The following SUFU variants were observed in gnomAD, a reference collection of about 807,000 sequenced individuals.
SUFU encodes SUFU negative regulator of hedgehog signaling, also known as suppressor of fused homolog.
SUFU carries 7 observed loss-of-function variants against 58.9 expected under a neutral mutation model. That is an observed-to-expected ratio of 0.12 (90% CI 0.07 to 0.22). The LOEUF (loss-of-function observed/expected upper bound fraction) is 0.22. Ranked by LOEUF, SUFU falls within the 10% of genes least tolerant of loss-of-function variation. The pLI is 1.00. For synonymous variants in SUFU, 232 were observed against 254.8 expected (o/e 0.91, Z 0.85); for missense variants, 451 against 641.3 (o/e 0.70, Z 3.20).
rs192727291 is a variant in SUFU at position 102,630,513 on chromosome 10, G to A, written c.*358G>A. On this transcript the variant is annotated 3_prime_UTR_variant, in exon 12 of 12. Coordinates refer to ENST00000369902, the MANE Select transcript of SUFU (RefSeq NM_016169.4). ...CCCTCTTTCTCACCTACCCCCTGCC[G>A]CACAGCCCAGCAGGAGGGAGGCGGA... The A allele has an allele frequency of 2.7e-5, 12 of 440,512 alleles. No homozygotes were observed. The highest frequency in any genetic ancestry group is 2.4e-4 in the East Asian group (6 of 25,154). 27.3% of individuals were successfully genotyped at this position (440,512 alleles called of 1,614,324 possible).
At chr10:102,532,072 C>T (rs1185979848) in intron 2 of SUFU, among the ~76,000 whole-genome samples, 2 of 152,044 alleles carry the variant, frequency 1.3e-5, no homozygotes, top group Non-Finnish European at 2.9e-5. Flanking sequence ...AAGCAATTCT[C>T]CTGCCTCGGC....
chr10:102,535,030 T>C (rs2062720015), intron 2 of SUFU, among the ~76,000 whole-genome samples: 1 of 152,092 alleles, frequency 6.6e-6, no homozygotes, highest in Non-Finnish European at 1.5e-5. Flanking sequence ...CTAGGTCCAT[T>C]CTTCTGGAGG....
chr10:102,588,797 A>G (rs1003856053), intron 3 of SUFU, among the ~76,000 whole-genome samples: 2 of 152,198 alleles, frequency 1.3e-5, no homozygotes, highest in African/African-American at 2.4e-5. Context: ...ATTTCTTTCA[A>G]TGATGTTTTG....
intron 2 of SUFU, among the ~76,000 whole-genome samples, chr10:102,549,482 CTA>C (rs2062889005): frequency 6.6e-6 from 1 of 152,158 alleles, no homozygotes; most frequent in Non-Finnish European, 1.5e-5. Flanking sequence ...CACGTGGAGA[CTA>C]TGGGGATTAC....
Position 102,617,699 on chromosome 10 carries a change from T to A in SUFU, c.1296+271T>A. On this transcript the variant is annotated intron_variant, in intron 10 of 11. Transcript: ENST00000369902. The surrounding 1 kb of genome is among the most constrained non-coding windows in gnomAD (Gnocchi z 4.4). The stretch of plus-strand genomic sequence containing the variant: ...GGCCCTGGCTCTTGGTAATTCTGGT[T>A]CCCCGTGGAAATCCAGGTTGGAGGG... The A allele has an allele frequency of 1.7e-6, 1 of 601,478 alleles. No individual in the cohort carries two copies. The highest frequency in any genetic ancestry group is 2.2e-5 in the South Asian group (1 of 46,462). 37.3% of individuals were successfully genotyped at this position (601,478 alleles called of 1,614,324 possible). A position where few individuals can be genotyped will look rare whatever the true frequency, so the allele number is the denominator to read the frequency against.
At chr10:102,519,314 C>T (rs753732688) in intron 2 of SUFU, among the ~76,000 whole-genome samples, 2 of 151,630 alleles carry the variant, frequency 1.3e-5, no homozygotes, top group African/African-American at 2.4e-5. Flanking sequence ...CACCTGAGGT[C>T]GGGAGTTCGA....
At chr10:102,568,422 C>A (rs1037786594) in intron 3 of SUFU, among the ~76,000 whole-genome samples, 2 of 151,990 alleles carry the variant, frequency 1.3e-5, no homozygotes, top group Non-Finnish European at 2.9e-5. Flanking sequence ...ATGTTGAAAA[C>A]AAAAATAAAT....
intron 2 of SUFU, among the ~76,000 whole-genome samples, chr10:102,541,875 ATTTTT>A (rs58231037): frequency 2.3e-5 from 2 of 86,522 alleles, no homozygotes; most frequent in East Asian, 3.5e-4. Context: ...TGCCCGGCTA[ATTTTT>A]TTTTTTTTTT....
intron 6 of SUFU, among the ~76,000 whole-genome samples, chr10:102,596,258 A>T (rs188997673): frequency 6.6e-6 from 1 of 152,314 alleles, no homozygotes; most frequent in African/African-American, 2.4e-5. Context: ...CGGGAAGCAC[A>T]GATTATTGTT....
At position 102,597,151 on chromosome 10, in the gene SUFU, C is replaced by T. The variant is rs2135881101; in HGVS notation, c.768C>T (p.Asp256=). 1 of 1,613,968 alleles carries T rather than the reference C, an allele frequency of 6.2e-7. No homozygotes were observed. The highest frequency in any genetic ancestry group is 8.5e-7 in the Non-Finnish European group (1 of 1,179,988). Reference sequence around the variant, plus strand: ...TTCTTTTCAAGCAGGAGAGAGTTGACAAAGGCATCGAGACAGATGGCTCCA... The same window carrying T: ...TTCTTTTCAAGCAGGAGAGAGTTGATAAAGGCATCGAGACAGATGGCTCCA... ...EIDPHLQERV[D]KGIETDGSNL... The change falls in exon 7 of 12, where the codon GAC becomes GAT. Residue 256 remains aspartate, a synonymous_variant. Transcript: ENST00000369902.
chr10:102,560,850 T>C (rs1307809369), intron 3 of SUFU, among the ~76,000 whole-genome samples: 1 of 152,206 alleles, frequency 6.6e-6, no homozygotes, highest in Non-Finnish European at 1.5e-5. Flanking sequence ...CTTTTTTTTT[T>C]TGATGAGATG....
chr10:102,542,700 C>T lies in SUFU; in HGVS notation c.318-7270C>T, dbSNP rs1232900835. ...AGTGCAGTGGCGTAATCACAGCTCA[C>T]TGTACCTTCTGCTTCCTGGATTCAA... On this transcript the variant is annotated intron_variant, in intron 2 of 11. Transcript: ENST00000369902. Among the ~76,000 whole-genome samples, 6 of 150,160 alleles carry T rather than the reference C, an allele frequency of 4.0e-5. No individual in the cohort carries two copies. The Admixed American group carries it at 4.0e-4, about 10-fold the overall frequency.
At position 102,506,312 on chromosome 10, in the gene SUFU, T is replaced by C. The variant is rs183368659; in HGVS notation, c.182+1978T>C. Among the ~76,000 whole-genome samples, 30 of 152,272 alleles carry C rather than the reference T, an allele frequency of 2.0e-4. No homozygotes were observed. In the East Asian group the frequency reaches 5.0e-3, roughly 25 times the overall value. On this transcript the variant is annotated intron_variant, in intron 1 of 11. Transcript: ENST00000369902. ...ACATGTGATAATGAAGAAAAGGGAT[T>C]ATACAGCACTTTGTGAAAGCCCTTC...
At chr10:102,542,518 A>G (rs1346934370) in intron 2 of SUFU, among the ~76,000 whole-genome samples, 1 of 151,338 alleles carries the variant, frequency 6.6e-6, no homozygotes, top group Non-Finnish European at 1.5e-5. Context: ...CAGGTGATCC[A>G]CCTGCTTTGG....
chr10:102,568,947 T>C (rs199932596), intron 3 of SUFU, among the ~76,000 whole-genome samples: 3,896 of 82,406 alleles, frequency 0.047, 445 homozygotes, highest in African/African-American at 0.13. Context: ...TATATATATA[T>C]ATATATATAT....
At chr10:102,513,334 G>T (rs2062424052) in intron 2 of SUFU, among the ~76,000 whole-genome samples, 1 of 152,190 alleles carries the variant, frequency 6.6e-6, no homozygotes, top group Non-Finnish European at 1.5e-5. Flanking sequence ...GATGGCAAAT[G>T]GATCTCTGGC....
At chr10:102,573,041 T>A in intron 3 of SUFU, 1 of 890,996 alleles carries the variant, frequency 1.1e-6, no homozygotes, top group East Asian at 2.4e-5. Context: ...GTTGGTCTTC[T>A]GAGGGTACTT....
chr10:102,548,624 A>G (rs924801273), intron 2 of SUFU, among the ~76,000 whole-genome samples: 1 of 152,206 alleles, frequency 6.6e-6, no homozygotes, highest in African/African-American at 2.4e-5. Flanking sequence ...AAATTATATC[A>G]TGAATGTATT....
intron 3 of SUFU, among the ~76,000 whole-genome samples, chr10:102,580,150 C>T (rs2063260829): frequency 6.6e-6 from 1 of 151,848 alleles, no homozygotes; most frequent in Non-Finnish European, 1.5e-5. Context: ...GAGCAGTCAG[C>T]CATGTTCCTG....
Sources: allele counts gnomAD v4.1 joint callset (sites outside exome capture counted in the v4.1 genomes callset), GRCh38; gene constraint gnomAD v4.1.1; non-coding constraint Gnocchi (gnomAD v3.1); transcripts MANE v1.5; gene names NCBI Gene and HGNC (gene_info 2026-07-23, HGNC 2026-07-21).